DOP1B: variants seen among roughly 807,000 people sequenced by gnomAD.
The protein encoded by DOP1B is protein DOP1B.
DOP1B carries 174 observed loss-of-function variants against 233.5 expected under a neutral mutation model. That is an observed-to-expected ratio of 0.75 (90% CI 0.66 to 0.85). DOP1B has a LOEUF of 0.85. Among genes scored for constraint, DOP1B ranks in the 40% least tolerant of loss-of-function variants. DOP1B has a pLI of 0.00. For synonymous variants in DOP1B, 1,190 were observed against 1,185.6 expected (o/e 1.00, Z -0.08); for missense variants, 2,652 against 2,846.6 (o/e 0.93, Z 1.56).
chr21:36,199,005 A>G lies in DOP1B; in HGVS notation c.139-65A>G. 2.0e-6 allele frequency: 3 copies of G among 1,533,738 alleles called. 1 individual carries two copies. The highest frequency in any genetic ancestry group is 2.5e-5 in the South Asian group (2 of 80,786). ...GCTGCAGTCTCTCTGGCTTCAGCAG[A>G]TCCACTCTCCATTGTAAATATCGCT... On this transcript the variant is annotated intron_variant, in intron 2 of 36. Coordinates refer to ENST00000691173, the MANE Select transcript of DOP1B (RefSeq NM_001320714.2).
chr21:36,271,241 G>T (rs770504596), intron 27 of DOP1B, among the ~76,000 whole-genome samples: 2 of 141,814 alleles, frequency 1.4e-5, no homozygotes, highest in African/African-American at 5.7e-5. Context: ...ACAGAGTCTC[G>T]CTCTGTCACC....
intron 18 of DOP1B, among the ~76,000 whole-genome samples, chr21:36,240,294 A>C (rs2066878333): frequency 6.6e-6 from 1 of 152,118 alleles, no homozygotes. Context: ...AGCCTGGCCA[A>C]TATGGTGAAA....
chr21:36,207,894 A>G (rs1601411926), intron 4 of DOP1B, among the ~76,000 whole-genome samples: 1 of 152,186 alleles, frequency 6.6e-6, no homozygotes, highest in South Asian at 2.1e-4. Flanking sequence ...GGACAGGGAA[A>G]GGGCCGCAGT....
intron 20 of DOP1B, 88 bp from the exon 21 acceptor site, chr21:36,248,292 A>T: frequency 7.1e-7 from 1 of 1,416,448 alleles, no homozygotes. Flanking sequence ...AACAGCCCAG[A>T]CCTAATCCCG....
In DOP1B at chr21:36,245,759, A is replaced by C. The variant is rs948324336; in HGVS notation, c.3779A>C (p.Glu1260Ala). ...VLKTNPKEFI[E>A]AVSRTSMDTS... is the part of the protein sequence containing the mutation. ...AAAACCAACCCTAAGGAATTCATCG[A>C]GGCTGTGTCCAGGACTAGCATGGAT... The change falls in exon 19 of 37, where the codon GAG becomes GCG. Residue 1260 changes from glutamate (E) to alanine (A), a missense_variant. By Grantham distance (107) the Glu-to-Ala change is moderately radical (BLOSUM62 -1). This residue lies in a region of DOP1B where 2,617 missense variants were observed against 2,794.3 expected (regional missense o/e 0.94). Coordinates refer to ENST00000691173, the MANE Select transcript of DOP1B (RefSeq NM_001320714.2). The surrounding 1 kb of genome is among the most constrained non-coding windows in gnomAD (Gnocchi z 5.5). The C allele has an allele frequency of 4.3e-6, 7 of 1,613,852 alleles. No individual in the cohort carries two copies. Among genetic ancestry groups the C allele is most frequent in the Non-Finnish European group, 4.2e-6 (5 of 1,179,936 alleles).
At chr21:36,260,165 A>G (rs1442005646) in intron 23 of DOP1B, among the ~76,000 whole-genome samples, 1 of 151,552 alleles carries the variant, frequency 6.6e-6, no homozygotes, top group Admixed American at 6.6e-5. Context: ...AAAAGAAAAA[A>G]AAAAAAGGAA....
intron 2 of DOP1B, among the ~76,000 whole-genome samples, chr21:36,196,137 TG>T (rs1425249633): frequency 2.0e-5 from 3 of 152,372 alleles, no homozygotes; most frequent in Non-Finnish European, 4.4e-5. Flanking sequence ...ACATCTTTTT[TG>T]TCCCAAATAG....
chr21:36,194,219 C>T (rs144300234), intron 2 of DOP1B, among the ~76,000 whole-genome samples: 5 of 152,234 alleles, frequency 3.3e-5, no homozygotes, highest in Non-Finnish European at 5.9e-5. Flanking sequence ...CTCTGTGTGA[C>T]GACAGCTCCA....
At chr21:36,291,283 A>G (rs922684752) in intron 35 of DOP1B, among the ~76,000 whole-genome samples, 1 of 147,442 alleles carries the variant, frequency 6.8e-6, no homozygotes, top group African/African-American at 2.5e-5. Flanking sequence ...AGTGGAGGCT[A>G]GGCGCAGTGG....
intron 13 of DOP1B, 74 bp from the exon 14 acceptor site, chr21:36,230,376 T>C (rs904433604): frequency 6.9e-7 from 1 of 1,451,364 alleles, no homozygotes. Flanking sequence ...TTGAAATACA[T>C]TCATGATTTC....
At chr21:36,178,639 G>A (rs1290023023) in intron 2 of DOP1B, among the ~76,000 whole-genome samples, 1 of 152,140 alleles carries the variant, frequency 6.6e-6, no homozygotes, top group Non-Finnish European at 1.5e-5. Flanking sequence ...TGTTATGGCA[G>A]CCTGGGCCAA....
At chr21:36,236,361 C>T (rs759550019) in intron 15 of DOP1B, among the ~76,000 whole-genome samples, 3 of 152,152 alleles carry the variant, frequency 2.0e-5, no homozygotes, top group Non-Finnish European at 2.9e-5. Context: ...CCTGCCACAG[C>T]GTTGTGCAGG....
At chr21:36,293,231 T>G in intron 36 of DOP1B, 89 bp from the exon 37 acceptor site, 1 of 1,425,642 alleles carries the variant, frequency 7.0e-7, no homozygotes, top group Non-Finnish European at 9.5e-7. Flanking sequence ...GGACCTTATT[T>G]CTTAGGTTTT....
At position 36,223,138 on chromosome 21, in the gene DOP1B, G is replaced by T. The variant is rs1054236343; in HGVS notation, c.1251-93G>T. On this transcript the variant is annotated intron_variant, in intron 10 of 36. Transcript: ENST00000691173. The stretch of plus-strand genomic sequence containing the variant: ...GTGTCAGCTTCTCTAGAAATAAGTT[G>T]CAGATGGTGAAATCAATTACAGTTT... 15 of 1,304,290 alleles carry T rather than the reference G, an allele frequency of 1.2e-5. No homozygotes were observed. In the African/African-American group the frequency reaches 2.1e-4, roughly 19 times the overall value. 80.8% of individuals were successfully genotyped at this position (1,304,290 alleles called of 1,614,324 possible). A position where few individuals can be genotyped will look rare whatever the true frequency, so the allele number is the denominator to read the frequency against.
Position 36,271,147 on chromosome 21 carries a change from G to A in DOP1B, c.5632+990G>A, listed in dbSNP as rs1397996347. Among the ~76,000 whole-genome samples, 2 of 151,488 alleles carry A rather than the reference G, an allele frequency of 1.3e-5. 1 individual carries two copies. The highest frequency in any genetic ancestry group is 4.9e-5 in the African/African-American group (2 of 41,104). On this transcript the variant is annotated intron_variant, in intron 27 of 36. Transcript: ENST00000691173. ...AGTTAAAAAAAAAAAAAAAGTTTAG[G>A]CATAGGAAAAAGCAAACTACCTTCT...
intron 14 of DOP1B, 137 bp downstream of exon 14, chr21:36,231,271 A>G (rs2066762011): frequency 8.5e-7 from 1 of 1,174,286 alleles, no homozygotes; most frequent in African/African-American, 1.5e-5. Context: ...TTTTTGGAAT[A>G]TTTGCCTTAC....
intron 2 of DOP1B, among the ~76,000 whole-genome samples, chr21:36,174,122 G>A (rs972747104): frequency 6.6e-6 from 1 of 152,130 alleles, no homozygotes; most frequent in Non-Finnish European, 1.5e-5. Flanking sequence ...GGAAGAACAC[G>A]GGTTGGAGCT....
intron 1 of DOP1B, among the ~76,000 whole-genome samples, chr21:36,162,046 AT>A (rs2065874030): frequency 6.6e-6 from 1 of 152,176 alleles, no homozygotes; most frequent in African/African-American, 2.4e-5. Context: ...TAAACTAGGT[AT>A]TTCTGTTATA....
chr21:36,292,260 T>C (rs959561459), intron 36 of DOP1B, 27 bp downstream of exon 36: 1 of 1,508,200 alleles, frequency 6.6e-7, no homozygotes, highest in Non-Finnish European at 8.9e-7. Flanking sequence ...TCTTTTCTTT[T>C]TTTTTTTTTT....
Sources: gnomAD v4.1 joint callset for allele counts (sites outside exome capture counted in the v4.1 genomes callset) on GRCh38, gnomAD v4.1.1 for gene constraint, gnomAD v4.1.1 regional missense constraint, Gnocchi (gnomAD v3.1) non-coding constraint, MANE v1.5 for transcripts, NCBI Gene and HGNC (gene_info 2026-07-23, HGNC 2026-07-21) for gene names.